Variants in LRRC3C observed in about 807,000 individuals in gnomAD.
LRRC3C encodes leucine rich repeat containing 3C.
In LRRC3C, 11 loss-of-function variants were observed where a neutral mutation model predicts 14.8. The observed-to-expected ratio is 0.74, with a 90% CI of 0.47 to 1.23. The LOEUF (loss-of-function observed/expected upper bound fraction) is 1.23, where lower values mean the gene tolerates loss of function less well. LRRC3C is among the 50% of genes most tolerant of loss of function. LRRC3C has a pLI of 0.00. For synonymous variants in LRRC3C, 149 were observed against 161.5 expected (o/e 0.92, Z 0.59); for missense variants, 354 against 361.8 (o/e 0.98, Z 0.18).
chr17:39,930,467 G>A (rs894964201), intron 1 of LRRC3C, among the ~76,000 whole-genome samples: 2 of 149,196 alleles, frequency 1.3e-5, no homozygotes, highest in Non-Finnish European at 3.0e-5. Context: ...CAGTACTTTG[G>A]GAGGCCAAGG....
In LRRC3C at chr17:39,944,189, C is replaced by T. The variant is rs1979016752; in HGVS notation, c.283C>T (p.Pro95Ser). The T allele has an allele frequency of 2.0e-6, 3 of 1,535,972 alleles. No individual in the cohort carries two copies. Among genetic ancestry groups the T allele is most frequent in the Admixed American group, 2.0e-5 (1 of 50,968 alleles). The change falls in exon 4 of 4, where the codon CCT (proline) becomes TCT (serine). Residue 95 changes from proline (P) to serine (S), a missense_variant. By Grantham distance (74) the Pro-to-Ser change is moderately conservative. Transcript: ENST00000377924. ...YLDANQLASV[P>S]AGAFQHLPVL... ...GGATGCCAACCAGCTGGCATCGGTG[C>T]CTGCTGGTGCCTTCCAGCACCTGCC...
intron 1 of LRRC3C, 140 bp from the exon 2 acceptor site, chr17:39,935,661 GA>G (rs1163902543): frequency 1.2e-5 from 3 of 243,318 alleles, no homozygotes; most frequent in Non-Finnish European, 1.3e-5. Flanking sequence ...TCAAACAAAA[GA>G]AAAAAACAAC....
At position 39,943,975 on chromosome 17, in the gene LRRC3C, C is replaced by T. The variant is rs1178321579; in HGVS notation, c.69C>T (p.Leu23=). 7.8e-6 allele frequency: 12 copies of T among 1,536,152 alleles called. 1 individual carries two copies. The highest frequency in any genetic ancestry group is 1.0e-5 in the Non-Finnish European group (12 of 1,146,896). ...TPGLCQFMAM[L]PTAGHLLPLL... is the part of the protein sequence containing the mutation. ...GACTATGCCAATTTATGGCCATGCT[C>T]CCAACAGCAGGTCACCTCCTGCCCC... The change falls in exon 4 of 4, where the codon CTC becomes CTT. Residue 23 remains leucine, a synonymous_variant. Coordinates refer to ENST00000377924, the MANE Select transcript of LRRC3C (RefSeq NM_001195545.2).
intron 1 of LRRC3C, among the ~76,000 whole-genome samples, chr17:39,932,290 C>T (rs1299852354): frequency 6.6e-6 from 1 of 152,204 alleles, no homozygotes; most frequent in Non-Finnish European, 1.5e-5. Flanking sequence ...ATGAAACACT[C>T]AAAACAATTC....
At chr17:39,932,477 G>A (rs1174379158) in intron 1 of LRRC3C, among the ~76,000 whole-genome samples, 2 of 152,016 alleles carry the variant, frequency 1.3e-5, no homozygotes, top group African/African-American at 4.8e-5. Context: ...GCTGAGGCGG[G>A]AGGATTGCTT....
chr17:39,943,887 G>C (rs1379609832), intron 3 of LRRC3C, 46 bp from the exon 4 acceptor site: 1 of 1,525,190 alleles, frequency 6.6e-7, no homozygotes. Context: ...TGGGGCATGC[G>C]ATTCTCTTGA....
rs191917228 is a variant in LRRC3C, at chr17:39,932,773, C to T, written c.-174-3029C>T. ...CCCTGTCTCTTAAAACAACAACAAC[C>T]GGGCATGGTGGCTAGCGCCTGTAAT... On this transcript the variant is annotated intron_variant, in intron 1 of 3. Transcript: ENST00000377924. Among the ~76,000 whole-genome samples, 11 of 151,524 alleles carry T rather than the reference C, an allele frequency of 7.3e-5. No individual in the cohort carries two copies. The East Asian group carries it at 1.9e-3, about 27-fold the overall frequency.
At position 39,944,288 on chromosome 17, in the gene LRRC3C, G is replaced by T; in HGVS notation, c.382G>T (p.Gly128Cys). 2 of 1,535,342 alleles carry T rather than the reference G, an allele frequency of 1.3e-6. No individual in the cohort carries two copies. Among genetic ancestry groups the T allele is most frequent in the East Asian group, 2.4e-5 (1 of 40,908 alleles). The change falls in exon 4 of 4, where the codon GGC becomes TGC. Residue 128 changes from glycine (G) to cysteine (C), a missense_variant. Coordinates refer to ENST00000377924, the MANE Select transcript of LRRC3C (RefSeq NM_001195545.2). Reference protein sequence around the residue: ...LSGAAFQGLEGTLRHLDLSAN... With the variant: ...LSGAAFQGLECTLRHLDLSAN... ...AGGGGCGGCTTTCCAGGGCCTGGAG[G>T]GCACATTGCGCCACCTCGACCTCTC...
intron 1 of LRRC3C, among the ~76,000 whole-genome samples, chr17:39,934,448 C>T (rs531641058): frequency 8.5e-5 from 13 of 152,250 alleles, no homozygotes; most frequent in Non-Finnish European, 1.6e-4. Context: ...AGATCACCTT[C>T]TTCTGCCTAA....
chr17:39,939,230 G>A (rs1034153732), intron 2 of LRRC3C: 1 of 332,490 alleles, frequency 3.0e-6, no homozygotes. Flanking sequence ...AATCATCAAG[G>A]ACTGAGTGCA....
intron 1 of LRRC3C, among the ~76,000 whole-genome samples, chr17:39,934,401 C>T (rs1182544753): frequency 1.3e-5 from 2 of 152,178 alleles, no homozygotes; most frequent in Non-Finnish European, 2.9e-5. Context: ...CTACTCCTAG[C>T]CTCACCTGTC....
At chr17:39,936,955 C>G (rs1171932338) in intron 2 of LRRC3C, among the ~76,000 whole-genome samples, 1 of 150,082 alleles carries the variant, frequency 6.7e-6, no homozygotes, top group East Asian at 2.0e-4. Context: ...AACCCCGTCT[C>G]TATTAAAAAA....
At chr17:39,938,430 G>T (rs773473271) in intron 2 of LRRC3C, among the ~76,000 whole-genome samples, 2 of 151,908 alleles carry the variant, frequency 1.3e-5, no homozygotes, top group Non-Finnish European at 2.9e-5. Flanking sequence ...GGCCAGGCAC[G>T]GTGGCTCACG....
chr17:39,943,903 TC>T (rs1365242775), intron 3 of LRRC3C, 29 bp from the exon 4 acceptor site: 8 of 1,533,080 alleles, frequency 5.2e-6, no homozygotes, highest in Non-Finnish European at 7.0e-6. Context: ...CTTGACTCAC[TC>T]CTCCTTTATG....
At chr17:39,942,441 G>C (rs2144766804) in intron 3 of LRRC3C, among the ~76,000 whole-genome samples, 1 of 152,282 alleles carries the variant, frequency 6.6e-6, no homozygotes, top group African/African-American at 2.4e-5. Flanking sequence ...AGGCCTGAGG[G>C]AGAGTTCAAA....
chr17:39,931,538 G>A (rs896696699), intron 1 of LRRC3C, among the ~76,000 whole-genome samples: 1 of 150,916 alleles, frequency 6.6e-6, no homozygotes, highest in African/African-American at 2.4e-5. Context: ...CATTTGCTTC[G>A]AAATAATCTG....
chr17:39,931,445 CAAAAAAAAAAA>C (rs58318948), intron 1 of LRRC3C, among the ~76,000 whole-genome samples: 1 of 74,962 alleles, frequency 1.3e-5, no homozygotes, highest in African/African-American at 5.2e-5. Context: ...GACTTCGTCT[CAAAAAAAAAAA>C]AAAAAAAAAA....
intron 3 of LRRC3C, among the ~76,000 whole-genome samples, chr17:39,942,902 AG>A (rs1288563571): frequency 1.3e-4 from 20 of 152,374 alleles, no homozygotes; most frequent in African/African-American, 4.8e-4. Flanking sequence ...CCTGCCAAGC[AG>A]GGATCCTTCT....
At chr17:39,939,568 G>T in intron 2 of LRRC3C, 1 of 260,402 alleles carries the variant, frequency 3.8e-6, no homozygotes, top group Non-Finnish European at 6.0e-6. Context: ...TGATTTGAAT[G>T]TGCAGGGTGT....
Sources: allele counts gnomAD v4.1 joint callset (sites outside exome capture counted in the v4.1 genomes callset), GRCh38; gene constraint gnomAD v4.1.1; transcripts MANE v1.5; gene names NCBI Gene and HGNC (gene_info 2026-07-23, HGNC 2026-07-21).